Variants in ATP5MC3 observed in about 807,000 individuals in gnomAD.
ATP5MC3 encodes ATP synthase F(0) complex subunit C3, mitochondrial.
ATP5MC3 carries 6 observed loss-of-function variants against 15.6 expected under a neutral mutation model. That is an observed-to-expected ratio of 0.38 (90% confidence interval 0.21 to 0.76). The LOEUF (loss-of-function observed/expected upper bound fraction) is 0.76, where lower values mean the gene tolerates loss of function less well. Among genes scored for constraint, ATP5MC3 ranks in the 30% least tolerant of loss-of-function variants. ATP5MC3 has a pLI of 0.44. For synonymous variants in ATP5MC3, 66 were observed against 63.3 expected, an observed-to-expected ratio of 1.04 and a Z score of -0.20; for missense variants, 132 against 171.2, an observed-to-expected ratio of 0.77 and a Z score of 1.28.
At chr2:175,178,862 G>A (rs984097042) in intron 4 of ATP5MC3, 195 bp downstream of exon 4, 2 of 1,128,830 alleles carry the variant, frequency 1.8e-6, no homozygotes, top group Non-Finnish European at 2.4e-6. Context: ...TGTGTCTCTA[G>A]TCCTTCATAG....
In ATP5MC3 at chr2:175,176,751, G is replaced by A. The variant is rs569858236; in HGVS notation, c.*1537C>T. 1 of 152,112 alleles carries A rather than the reference G, an allele frequency of 6.6e-6. No individual in the cohort carries two copies. Among genetic ancestry groups the A allele is most frequent in the Non-Finnish European group, 1.5e-5 (1 of 68,008 alleles). 9.4% of individuals were successfully genotyped at this position (152,112 alleles called of 1,614,324 possible). On this transcript the variant is annotated 3_prime_UTR_variant, in exon 5 of 5. Coordinates refer to ENST00000284727, the MANE Select transcript of ATP5MC3 (RefSeq NM_001689.5). ...TCATATAAATGGAATCATGTGGCTG[G>A]CTTCTTCCACTTAGCATGCTTTCTT...
intron 2 of ATP5MC3, 55 bp from the exon 3 acceptor site, chr2:175,180,233 C>T: frequency 7.5e-7 from 1 of 1,336,060 alleles, no homozygotes; most frequent in Non-Finnish European, 1.0e-6. Context: ...ACAGGTAAGA[C>T]TTCAATGACT....
intron 2 of ATP5MC3, among the ~76,000 whole-genome samples, chr2:175,180,879 G>A (rs187736882): frequency 1.1e-4 from 16 of 152,272 alleles, no homozygotes; most frequent in Non-Finnish European, 1.8e-4. Context: ...AAGACTTTGG[G>A]CTCGTTCCCC....
Position 175,181,653 on chromosome 2 carries a change from T to G in ATP5MC3, c.-74+3A>C. 4.1e-6 allele frequency: 2 copies of G among 489,898 alleles called. No individual in the cohort carries two copies. Among genetic ancestry groups the G allele is most frequent in the Non-Finnish European group, 3.6e-6 (1 of 278,252 alleles). The allele number at this position is 489,898 out of a possible 1,614,324, so 30.3% of individuals were successfully genotyped here. On this transcript the variant is annotated splice_donor_region_variant and intron_variant, in intron 1 of 4. Coordinates refer to ENST00000284727, the MANE Select transcript of ATP5MC3 (RefSeq NM_001689.5). ...GGCCGGGCTCCCTGTGCCCTCCACT[T>G]ACCTTCCCAGGAGGCGGCGGCGGCA...
intron 1 of ATP5MC3, 57 bp from the exon 2 acceptor site, chr2:175,181,523 C>T (rs1022045825): frequency 3.4e-5 from 39 of 1,138,754 alleles, no homozygotes; most frequent in African/African-American, 4.7e-5. Context: ...TTCTTCCCAC[C>T]CAGGCCCCGC....
chr2:175,178,470 A>G, intron 4 of ATP5MC3, 68 bp from the exon 5 acceptor site: 1 of 1,538,526 alleles, frequency 6.5e-7, no homozygotes, highest in Non-Finnish European at 8.7e-7. Context: ...AATGTTAAAG[A>G]ATCAGATTAC....
rs900294814 is a variant in ATP5MC3 at position 175,177,735 on chromosome 2, T to G, written c.*553A>C. On this transcript the variant is annotated 3_prime_UTR_variant, in exon 5 of 5. Transcript: ENST00000284727. ...TGTGAGACTTACTGAAAAACAAAAGTCACATTACCCCCTAGCTTAAGGCTT... is the reference window on the plus strand; with the variant it reads ...TGTGAGACTTACTGAAAAACAAAAGGCACATTACCCCCTAGCTTAAGGCTT... 2.6e-5 allele frequency: 4 copies of G among 152,196 alleles called. No individual in the cohort carries two copies. Among genetic ancestry groups the G allele is most frequent in the African/African-American group, 7.2e-5 (3 of 41,452 alleles). The allele number at this position is 152,196 out of a possible 1,614,324, so 9.4% of individuals were successfully genotyped here.
chr2:175,180,277 G>A, intron 2 of ATP5MC3, 99 bp from the exon 3 acceptor site: 2 of 871,352 alleles, frequency 2.3e-6, no homozygotes, highest in Non-Finnish European at 3.2e-6. Context: ...AAAGCAAGCA[G>A]TAAAAATGAA....
intron 4 of ATP5MC3, 174 bp downstream of exon 4, chr2:175,178,883 C>T (rs766609331): frequency 3.3e-5 from 39 of 1,189,746 alleles, no homozygotes; most frequent in Non-Finnish European, 4.3e-5. Context: ...ATGTTATTCT[C>T]ATAACACCCC....
At position 175,179,124 on chromosome 2, in the gene ATP5MC3, C is replaced by T. The variant is rs769346121; in HGVS notation, c.247G>A (p.Val83Ile). The stretch of plus-strand genomic sequence containing the variant: ...CCAGCACCAGAACCAGCCACTCCTA[C>T]TGTTGCAGCACCTGCACCAATAAAT... ...AKFIGAGAAT[V>I]GVAGSGAGIG... Residue 83 changes from valine to isoleucine, a missense_variant, in exon 4 of 5, where the codon GTA (valine) becomes ATA (isoleucine). Transcript: ENST00000284727. 6.2e-7 allele frequency: 1 copy of T among 1,614,232 alleles called. No homozygotes were observed. The highest frequency in any genetic ancestry group is 1.1e-5 in the South Asian group (1 of 91,086).
intron 2 of ATP5MC3, 42 bp downstream of exon 2, chr2:175,181,313 C>T (rs764428783): frequency 6.2e-7 from 1 of 1,603,556 alleles, no homozygotes; most frequent in East Asian, 2.2e-5. Context: ...TAGGCCAAAA[C>T]GCCCACCCCT....
At position 175,181,408 on chromosome 2, in the gene ATP5MC3, G is replaced by T; in HGVS notation, c.-15C>A. Reference sequence around the variant, plus strand: ...CAGGCGAACATCTTACACTCTTCGGGACTGCGCGGCTGGAGATATTGGGTG... The same window carrying T: ...CAGGCGAACATCTTACACTCTTCGGTACTGCGCGGCTGGAGATATTGGGTG... On this transcript the variant is annotated 5_prime_UTR_variant, in exon 2 of 5. Coordinates refer to ENST00000284727, the MANE Select transcript of ATP5MC3 (RefSeq NM_001689.5). 6.2e-7 allele frequency: 1 copy of T among 1,613,528 alleles called. No individual in the cohort carries two copies. The highest frequency in any genetic ancestry group is 1.7e-4 in the Middle Eastern group (1 of 6,060).
In ATP5MC3 at chr2:175,178,345, A is replaced by G; in HGVS notation, c.372T>C (p.Ser124=). Reference sequence around the variant, plus strand: ...TCAAACAAAAGAGACCCATAGCTTCAGACAAGGCAAATCCCAGGATAGCAT... The same window carrying G: ...TCAAACAAAAGAGACCCATAGCTTCGGACAAGGCAAATCCCAGGATAGCAT... ...FSYAILGFAL[S]EAMGLFCLMV... is the part of the protein sequence containing the mutation. The change falls in exon 5 of 5, where the codon TCT becomes TCC. Residue 124 remains serine, a synonymous_variant. Transcript: ENST00000284727. 1 of 1,613,264 alleles carries G rather than the reference A, an allele frequency of 6.2e-7. No individual in the cohort carries two copies. Among genetic ancestry groups the G allele is most frequent in the Non-Finnish European group, 8.5e-7 (1 of 1,179,702 alleles).
rs1315927724 is a variant in ATP5MC3 at position 175,181,372 on chromosome 2, C to A, written c.22G>T (p.Ala8Ser). The change falls in exon 2 of 5, where the codon GCC becomes TCC. Residue 8 changes from alanine (A) to serine (S), a missense_variant. Coordinates refer to ENST00000284727, the MANE Select transcript of ATP5MC3 (RefSeq NM_001689.5). Reference protein sequence around the residue: MFACAKLACTPSLIRAGS... With the variant: MFACAKLSCTPSLIRAGS... ...CTACGCACCAGAGAGGGGGTGCAGGCGAGCTTGGCGCAGGCGAACATCTTA... is the reference window on the plus strand; with the variant it reads ...CTACGCACCAGAGAGGGGGTGCAGGAGAGCTTGGCGCAGGCGAACATCTTA... 3 of 1,613,762 alleles carry A rather than the reference C, an allele frequency of 1.9e-6. No homozygotes were observed. Among genetic ancestry groups the A allele is most frequent in the Non-Finnish European group, 2.5e-6 (3 of 1,179,936 alleles).
In ATP5MC3 at chr2:175,179,262, A is replaced by G. The variant is rs1314566748; in HGVS notation, c.121-12T>C. 1.3e-6 allele frequency: 2 copies of G among 1,598,646 alleles called. No individual in the cohort carries two copies. Among genetic ancestry groups the G allele is most frequent in the East Asian group, 2.2e-5 (1 of 44,498 alleles). On this transcript the variant is annotated splice_polypyrimidine_tract_variant and intron_variant, in intron 3 of 4. Coordinates refer to ENST00000284727, the MANE Select transcript of ATP5MC3 (RefSeq NM_001689.5). ...AATACCGTAGAGCCCTGGAAAACAG[A>G]AAATAAAGGTAAAGGTCGTATCAGT... is the stretch of plus-strand genomic sequence containing the variant.
At position 175,181,407 on chromosome 2, in the gene ATP5MC3, G is replaced by T. The variant is rs1574546572; in HGVS notation, c.-14C>A. ...GCAGGCGAACATCTTACACTCTTCG[G>T]GACTGCGCGGCTGGAGATATTGGGT... On this transcript the variant is annotated 5_prime_UTR_variant, in exon 2 of 5. Transcript: ENST00000284727. The T allele has an allele frequency of 6.2e-7, 1 of 1,613,496 alleles. No homozygotes were observed. The highest frequency in any genetic ancestry group is 8.5e-7 in the Non-Finnish European group (1 of 1,179,762).
Position 175,176,962 on chromosome 2 carries a change from C to T in ATP5MC3, c.*1326G>A, listed in dbSNP as rs750668746. 1.1e-4 allele frequency: 17 copies of T among 152,054 alleles called. No individual in the cohort carries two copies. The highest frequency in any genetic ancestry group is 1.7e-4 in the African/African-American group (7 of 41,388). The allele number at this position is 152,054 out of a possible 1,614,324, so 9.4% of individuals were successfully genotyped here. The stretch of plus-strand genomic sequence containing the variant: ...TGTATACAGGTTTTTGTTTGAATAC[C>T]TATTTCCAATTCTTTTGGGTGATAT... On this transcript the variant is annotated 3_prime_UTR_variant, in exon 5 of 5. Coordinates refer to ENST00000284727, the MANE Select transcript of ATP5MC3 (RefSeq NM_001689.5).
chr2:175,178,774 C>T lies in ATP5MC3; in HGVS notation c.314+283G>A, dbSNP rs1378725028. On this transcript the variant is annotated intron_variant, in intron 4 of 4. Transcript: ENST00000284727. ...CAAAATAGCTTAACAATTAGGAATG[C>T]AGACTCTGAAGTCAGACTTAGTTAA... 2.4e-5 allele frequency: 28 copies of T among 1,160,112 alleles called. No homozygotes were observed. The East Asian group carries it at 8.5e-4, about 35-fold the overall frequency. The allele number at this position is 1,160,112 out of a possible 1,614,324, so 71.9% of individuals were successfully genotyped here. A position where few individuals can be genotyped will look rare whatever the true frequency, so the allele number is the denominator to read the frequency against.
At position 175,178,685 on chromosome 2, in the gene ATP5MC3, C is replaced by T. The variant is rs1700724139; in HGVS notation, c.315-283G>A. 4 of 1,169,312 alleles carry T rather than the reference C, an allele frequency of 3.4e-6. No homozygotes were observed. In the African/African-American group the frequency reaches 4.8e-5, roughly 14 times the overall value. 72.4% of individuals were successfully genotyped at this position (1,169,312 alleles called of 1,614,324 possible). On this transcript the variant is annotated intron_variant, in intron 4 of 4. Transcript: ENST00000284727. ...ATGATCTATACCTTTTAAGATCTGA[C>T]AGTTTAGGTCTTAAATAAAATAAAT... is the stretch of plus-strand genomic sequence containing the variant.
Sources: gnomAD v4.1 joint callset for allele counts (sites outside exome capture counted in the v4.1 genomes callset) on GRCh38, gnomAD v4.1.1 for gene constraint, MANE v1.5 for transcripts, NCBI Gene and HGNC (gene_info 2026-07-23, HGNC 2026-07-21) for gene names.